RHBDD2: variants seen among roughly 807,000 people sequenced by gnomAD.
RHBDD2 encodes the protein rhomboid domain-containing protein 2.
Under a neutral mutation model 21.7 loss-of-function variants are expected in RHBDD2, and 13 were observed. The ratio of observed to expected loss-of-function variants is 0.60; its 90% CI spans 0.39 to 0.95. RHBDD2 has a LOEUF of 0.95. Among genes scored for constraint, RHBDD2 ranks in the 40% least tolerant of loss-of-function variants. RHBDD2 has a pLI of 0.00. For synonymous variants in RHBDD2, 225 were observed against 220.0 expected (o/e 1.02, Z -0.20); for missense variants, 473 against 478.9 (o/e 0.99, Z 0.11).
Position 75,879,109 on chromosome 7 carries a change from C to A in RHBDD2, c.27C>A (p.Arg9=). The part of the protein sequence containing the change: MAASGPGC[R]SWCLCPEVPS... The stretch of plus-strand genomic sequence containing the variant: ...TGGCGGCCTCGGGGCCCGGGTGTCG[C>A]AGCTGGTGCTTGTGTCCCGAGGTGC... The change falls in exon 1 of 4, where the codon CGC becomes CGA. Residue 9 remains arginine (R), a synonymous_variant. Coordinates refer to ENST00000006777, the MANE Select transcript of RHBDD2 (RefSeq NM_001040456.3). 2 of 1,379,076 alleles carry A rather than the reference C, an allele frequency of 1.5e-6. No individual in the cohort carries two copies. The highest frequency in any genetic ancestry group is 1.9e-6 in the Non-Finnish European group (2 of 1,057,922). The allele number at this position is 1,379,076 out of a possible 1,614,324, so 85.4% of individuals were successfully genotyped here. A position where few individuals can be genotyped will look rare whatever the true frequency, so the allele number is the denominator to read the frequency against.
intron 1 of RHBDD2, 51 bp from the exon 2 acceptor site, chr7:75,881,778 C>T: frequency 6.5e-7 from 1 of 1,528,578 alleles, no homozygotes; most frequent in Non-Finnish European, 8.8e-7. Context: ...AACCTGGCTT[C>T]CCTCCTGGGA....
At chr7:75,882,434 C>T (rs1188653722) in intron 2 of RHBDD2, among the ~76,000 whole-genome samples, 198 bp downstream of exon 2, 5 of 152,154 alleles carry the variant, frequency 3.3e-5, no homozygotes, top group Non-Finnish European at 5.9e-5. Flanking sequence ...GCAATCCTGC[C>T]TCAGCCCCCT....
rs1679578199 is a variant in RHBDD2 at position 75,879,060 on chromosome 7, GGGGCGCGGGAACGACGGCGGCCATGGC to G, written c.-20_7del. On this transcript the variant is annotated start_lost and 5_prime_UTR_variant, in exon 1 of 4. Coordinates refer to ENST00000006777, the MANE Select transcript of RHBDD2 (RefSeq NM_001040456.3). ...GAGGACCGGCAGCCGGCGTCGAGGCGGGGCGCGGGAACGACGGCGGCCATGGCGGCCTCGGGGCCCGGGTGTCGCAGC... is the reference window on the plus strand; with the variant it reads ...GAGGACCGGCAGCCGGCGTCGAGGCGGGCCTCGGGGCCCGGGTGTCGCAGC... 2.2e-6 allele frequency: 3 copies of G among 1,366,310 alleles called. No homozygotes were observed. Among genetic ancestry groups the G allele is most frequent in the Non-Finnish European group, 2.8e-6 (3 of 1,056,132 alleles). The allele number at this position is 1,366,310 out of a possible 1,614,324, so 84.6% of individuals were successfully genotyped here.
chr7:75,884,205 A>G (rs1554543270), intron 3 of RHBDD2, among the ~76,000 whole-genome samples: 1 of 151,924 alleles, frequency 6.6e-6, no homozygotes, highest in Non-Finnish European at 1.5e-5. Flanking sequence ...ATGCTGTCAA[A>G]TCTTATTCTG....
In RHBDD2 at chr7:75,881,891, A is replaced by G. The variant is rs782246048; in HGVS notation, c.241A>G (p.Ile81Val). ...ENPISLLCGA[I>V]IIWRFAGNFE... ...TCCCATCTCCCTGCTCTGCGGCGCT[A>G]TCATCATCTGGCGCTTTGCTGGCAA... The change falls in exon 2 of 4, where the codon ATC (isoleucine) becomes GTC (valine). Residue 81 changes from isoleucine (I) to valine (V), a missense_variant. Ile to Val is a conservative substitution (Grantham distance 29). Coordinates refer to ENST00000006777, the MANE Select transcript of RHBDD2 (RefSeq NM_001040456.3). 3.1e-6 allele frequency: 5 copies of G among 1,614,118 alleles called. No individual in the cohort carries two copies. The highest frequency in any genetic ancestry group is 4.2e-6 in the Non-Finnish European group (5 of 1,179,998).
intron 2 of RHBDD2, among the ~76,000 whole-genome samples, chr7:75,883,313 G>A (rs1554542983): frequency 2.6e-5 from 4 of 152,100 alleles, no homozygotes; most frequent in Non-Finnish European, 4.4e-5. Context: ...GAGGTCAGGA[G>A]TTTAAGACCA....
At chr7:75,884,092 A>G (rs1805505785) in intron 3 of RHBDD2, among the ~76,000 whole-genome samples, 1 of 151,960 alleles carries the variant, frequency 6.6e-6, no homozygotes, top group African/African-American at 2.4e-5. Flanking sequence ...ATGGGGTTTC[A>G]CCATGTTGGC....
intron 3 of RHBDD2, among the ~76,000 whole-genome samples, chr7:75,885,774 A>G (rs1311216326): frequency 1.3e-5 from 2 of 152,096 alleles, no homozygotes; most frequent in Non-Finnish European, 2.9e-5. Flanking sequence ...ACTCATTACT[A>G]CGGGGAAGAA....
chr7:75,888,166 C>T lies in RHBDD2; in HGVS notation c.912C>T (p.Cys304=). 6.2e-7 allele frequency: 1 copy of T among 1,613,892 alleles called. No homozygotes were observed. Among genetic ancestry groups the T allele is most frequent in the Admixed American group, 1.7e-5 (1 of 60,026 alleles). ...LPPYQPASGL[C]YVQNHFGPNP... is the part of the protein sequence containing the mutation. ...CGTACCAGCCTGCCTCCGGCCTGTG[C>T]TATGTGCAGAACCACTTTGGTCCAA... The change falls in exon 4 of 4, where the codon TGC becomes TGT. Residue 304 remains cysteine (C), a synonymous_variant. Coordinates refer to ENST00000006777, the MANE Select transcript of RHBDD2 (RefSeq NM_001040456.3).
Position 75,886,540 on chromosome 7 carries a change from C to T in RHBDD2, c.738-1452C>T, listed in dbSNP as rs189887790. 4.6e-5 allele frequency among the ~76,000 whole-genome samples: 7 copies of T among 152,124 alleles called. No homozygotes were observed. The East Asian group carries it at 7.7e-4, about 17-fold the overall frequency. On this transcript the variant is annotated intron_variant, in intron 3 of 3. Transcript: ENST00000006777. Reference sequence around the variant, plus strand: ...AGTTCTTCCATGCTGAAGGGCCGGGCGCGGTGGCTCACACCTGTAATCCCA... The same window carrying T: ...AGTTCTTCCATGCTGAAGGGCCGGGTGCGGTGGCTCACACCTGTAATCCCA...
Position 75,888,510 on chromosome 7 carries a change from G to T in RHBDD2, c.*161G>T. ...TCTCATCTGTACTCACGGCAGCCCT[G>T]TGGAGTACGGTGTACTGGCCCAGCT... On this transcript the variant is annotated 3_prime_UTR_variant, in exon 4 of 4. Transcript: ENST00000006777. 1.6e-6 allele frequency: 1 copy of T among 628,670 alleles called. No homozygotes were observed. The highest frequency in any genetic ancestry group is 2.9e-5 in the Admixed American group (1 of 34,644). The allele number at this position is 628,670 out of a possible 1,614,324, so 38.9% of individuals were successfully genotyped here.
Position 75,888,213 on chromosome 7 carries a change from A to G in RHBDD2, c.959A>G (p.Tyr320Cys). The G allele has an allele frequency of 6.2e-7, 1 of 1,613,420 alleles. No homozygotes were observed. Among genetic ancestry groups the G allele is most frequent in the Non-Finnish European group, 8.5e-7 (1 of 1,179,956 alleles). ...FGPNPTSSSVYPASAGTSLGI... is the reference protein window; with the variant it reads ...FGPNPTSSSVCPASAGTSLGI... The stretch of plus-strand genomic sequence containing the variant: ...CCAAACCCCACCTCCTCCAGTGTCT[A>G]CCCAGCTTCTGCGGGCACCTCCCTG... Residue 320 changes from tyrosine to cysteine, a missense_variant, in exon 4 of 4, where the codon TAC (tyrosine) becomes TGC (cysteine). Tyr to Cys is a radical substitution (Grantham distance 194, BLOSUM62 -2). Transcript: ENST00000006777.
At chr7:75,885,163 G>A (rs550714031) in intron 3 of RHBDD2, among the ~76,000 whole-genome samples, 1 of 151,858 alleles carries the variant, frequency 6.6e-6, no homozygotes, top group South Asian at 2.1e-4. Flanking sequence ...CAGCCAACTA[G>A]GCTGCTTAGG....
Position 75,882,174 on chromosome 7 carries a change from C to G in RHBDD2, c.524C>G (p.Ser175Trp), listed in dbSNP as rs782319607. ...VLVPWLLLGA[S>W]WLIPQTSFLS... ...GTTCCGTGGCTCCTGCTGGGTGCCT[C>G]GTGGCTCATTCCCCAGACCTCTTTC... Residue 175 changes from serine (S) to tryptophan (W), a missense_variant, in exon 2 of 4, where the codon TCG (serine) becomes TGG (tryptophan). Transcript: ENST00000006777. 1 of 1,614,108 alleles carries G rather than the reference C, an allele frequency of 6.2e-7. No homozygotes were observed. Among genetic ancestry groups the G allele is most frequent in the Non-Finnish European group, 8.5e-7 (1 of 1,180,022 alleles).
At chr7:75,879,894 C>T (rs1321693022) in intron 1 of RHBDD2, among the ~76,000 whole-genome samples, 1 of 152,182 alleles carries the variant, frequency 6.6e-6, no homozygotes, top group Non-Finnish European at 1.5e-5. Flanking sequence ...GTATAAACAT[C>T]CATTCCTGAA....
chr7:75,883,203 C>T (rs779270138), intron 2 of RHBDD2, among the ~76,000 whole-genome samples: 23 of 152,122 alleles, frequency 1.5e-4, no homozygotes, highest in Non-Finnish European at 2.8e-4. Context: ...CATTCATTCC[C>T]GGTGAGGCAC....
rs1325782364 is a variant in RHBDD2, at chr7:75,879,373, C to A, written c.178+113C>A. ...TTCAGGCCTCACCGCCAGTCTCCCC[C>A]TGTCTCGGTCCTCATCACCATGCCC... On this transcript the variant is annotated intron_variant, in intron 1 of 3. Coordinates refer to ENST00000006777, the MANE Select transcript of RHBDD2 (RefSeq NM_001040456.3). 5 of 1,043,538 alleles carry A rather than the reference C, an allele frequency of 4.8e-6. No individual in the cohort carries two copies. The African/African-American group carries it at 8.4e-5, about 18-fold the overall frequency. The allele number at this position is 1,043,538 out of a possible 1,614,324, so 64.6% of individuals were successfully genotyped here.
At position 75,879,162 on chromosome 7, in the gene RHBDD2, T is replaced by G; in HGVS notation, c.80T>G (p.Leu27Arg). The change falls in exon 1 of 4, where the codon CTC becomes CGC. Residue 27 changes from leucine (L) to arginine (R), a missense_variant. Physicochemically the swap from Leu to Arg is moderately radical, Grantham distance 102. Transcript: ENST00000006777. ...VPSATFFTAL[L>R]SLLVSGPRLF... is the part of the protein sequence containing the mutation. ...TCCGCCACCTTCTTCACTGCGCTGC[T>G]CTCGCTGCTGGTTTCCGGGCCTCGC... 1 of 1,504,704 alleles carries G rather than the reference T, an allele frequency of 6.6e-7. No individual in the cohort carries two copies. The highest frequency in any genetic ancestry group is 2.9e-5 in the East Asian group (1 of 34,886). 93.2% of individuals were successfully genotyped at this position (1,504,704 alleles called of 1,614,324 possible).
chr7:75,882,184 TC>T lies in RHBDD2; in HGVS notation c.538del (p.Gln180ArgfsTer33). Reference sequence around the variant, plus strand: ...TCCTGCTGGGTGCCTCGTGGCTCATTCCCCAGACCTCTTTCCTCAGTAATGT... The same window carrying T: ...TCCTGCTGGGTGCCTCGTGGCTCATTCCCAGACCTCTTTCCTCAGTAATGT... ...WLLLGASWLI[P>X]QTSFLSNVCG... On this transcript the variant is annotated frameshift_variant, in exon 2 of 4. Transcript: ENST00000006777. LOFTEE classifies it high-confidence loss of function. 6.2e-7 allele frequency: 1 copy of T among 1,614,124 alleles called. No individual in the cohort carries two copies. Among genetic ancestry groups the T allele is most frequent in the South Asian group, 1.1e-5 (1 of 91,070 alleles).
Sources: allele counts gnomAD v4.1 joint callset (sites outside exome capture counted in the v4.1 genomes callset), GRCh38; gene constraint gnomAD v4.1.1; transcripts MANE v1.5; gene names NCBI Gene and HGNC (gene_info 2026-07-23, HGNC 2026-07-21).